The following PTPRG variants were observed in gnomAD, a reference collection of about 807,000 sequenced individuals.
The protein encoded by PTPRG is protein tyrosine phosphatase receptor type G, also known as receptor-type tyrosine-protein phosphatase gamma.
In PTPRG, 102 loss-of-function variants were observed where a neutral mutation model predicts 165.3. The ratio of observed to expected loss-of-function variants is 0.62; its 90% CI spans 0.53 to 0.73. The LOEUF (loss-of-function observed/expected upper bound fraction) is 0.73, where lower values mean the gene tolerates loss of function less well. Ranked by LOEUF, PTPRG falls within the 30% of genes least tolerant of loss-of-function variation. PTPRG has a pLI of 0.00. For synonymous variants in PTPRG, 675 were observed against 669.5 expected, an observed-to-expected ratio of 1.01 and a Z score of -0.13; for missense variants, 1,866 against 1,861.4, an observed-to-expected ratio of 1.00 and a Z score of -0.05.
intron 5 of PTPRG, among the ~76,000 whole-genome samples, chr3:62,127,294 C>G (rs1435253225): frequency 6.6e-6 from 1 of 152,162 alleles, no homozygotes; most frequent in Admixed American, 6.5e-5. Flanking sequence ...ATGTTGAAGT[C>G]AGAATGAAAG....
In PTPRG at chr3:61,793,424, A is replaced by G. The variant is rs575540767; in HGVS notation, c.190+44442A>G. On this transcript the variant is annotated intron_variant, in intron 2 of 29. Transcript: ENST00000474889. The stretch of plus-strand genomic sequence containing the variant: ...ATGTGTTTCTCATCCAAAGAAGAAT[A>G]TGCTGCATTTTTGGCTTTGTGATGG... Among the ~76,000 whole-genome samples the G allele has an allele frequency of 3.3e-5, 5 of 152,320 alleles. No homozygotes were observed. The East Asian group carries it at 7.7e-4, about 23-fold the overall frequency.
At chr3:61,736,441 T>C (rs2032726039) in intron 1 of PTPRG, among the ~76,000 whole-genome samples, 1 of 148,126 alleles carries the variant, frequency 6.8e-6, no homozygotes, top group Admixed American at 6.9e-5. Context: ...TTGATTCTCA[T>C]TAACTATTAT....
At chr3:61,797,949 A>G (rs9837408) in intron 2 of PTPRG, among the ~76,000 whole-genome samples, 30 of 152,296 alleles carry the variant, frequency 2.0e-4, no homozygotes, top group African/African-American at 6.7e-4. Context: ...TTTTTAAAAA[A>G]CCAGGTCAAT....
At chr3:61,872,575 A>G (rs778352790) in intron 2 of PTPRG, among the ~76,000 whole-genome samples, 4 of 152,158 alleles carry the variant, frequency 2.6e-5, no homozygotes, top group Non-Finnish European at 1.5e-5. Context: ...GTGTTGCCTG[A>G]CCCTGAGTAA....
intron 8 of PTPRG, among the ~76,000 whole-genome samples, chr3:62,168,700 G>A (rs1034232587): frequency 5.9e-5 from 9 of 152,164 alleles, no homozygotes; most frequent in Non-Finnish European, 1.0e-4. Flanking sequence ...TCTGGCACTA[G>A]GGTTATGTGT....
chr3:62,149,038 C>T (rs1425494202), intron 6 of PTPRG, among the ~76,000 whole-genome samples: 1 of 152,152 alleles, frequency 6.6e-6, no homozygotes, highest in African/African-American at 2.4e-5. Context: ...CCAATCATAA[C>T]TTCAGTCTTG....
At chr3:61,812,485 A>G (rs922270716) in intron 2 of PTPRG, among the ~76,000 whole-genome samples, 1 of 152,226 alleles carries the variant, frequency 6.6e-6, no homozygotes, top group African/African-American at 2.4e-5. Flanking sequence ...CAGATTTGTC[A>G]TTAAACTTCC....
chr3:62,070,697 T>C (rs539641670), intron 4 of PTPRG, among the ~76,000 whole-genome samples: 4 of 152,218 alleles, frequency 2.6e-5, no homozygotes, highest in Admixed American at 6.5e-5. Context: ...TTTTACAAAA[T>C]GCTTAACTCT....
chr3:61,887,527 C>G (rs1443462531), intron 2 of PTPRG, among the ~76,000 whole-genome samples: 2 of 152,134 alleles, frequency 1.3e-5, no homozygotes, highest in African/African-American at 4.8e-5. Context: ...TGCAGACACA[C>G]ACCAGAAAGG....
At chr3:61,848,169 CATGCT>C (rs1403547957) in intron 2 of PTPRG, among the ~76,000 whole-genome samples, 1 of 152,238 alleles carries the variant, frequency 6.6e-6, no homozygotes, top group Non-Finnish European at 1.5e-5. Context: ...TGGAGTGCCT[CATGCT>C]ACAGGACTGG....
chr3:62,277,490 T>C, intron 25 of PTPRG, 61 bp from the exon 26 acceptor site: 1 of 1,545,560 alleles, frequency 6.5e-7, no homozygotes, highest in South Asian at 1.1e-5. Context: ...TATATTTTAC[T>C]ACCACAAAGT....
intron 5 of PTPRG, among the ~76,000 whole-genome samples, chr3:62,111,011 T>C (rs1293790458): frequency 6.6e-6 from 1 of 152,214 alleles, no homozygotes; most frequent in African/African-American, 2.4e-5. Context: ...ATTGTAGGGC[T>C]CTGTGGGAAG....
chr3:61,882,026 G>A (rs975097533), intron 2 of PTPRG, among the ~76,000 whole-genome samples: 15 of 152,144 alleles, frequency 9.9e-5, no homozygotes, highest in Admixed American at 6.6e-5. Context: ...GAGCTTATGC[G>A]AAGGGAGTTC....
At chr3:61,781,940 AG>A (rs2107084374) in intron 2 of PTPRG, among the ~76,000 whole-genome samples, 1 of 142,660 alleles carries the variant, frequency 7.0e-6, no homozygotes, top group Non-Finnish European at 1.5e-5. Context: ...TATGTTTCCC[AG>A]GGTGGTCTTG....
chr3:61,962,286 T>G (rs1455416359), intron 2 of PTPRG, among the ~76,000 whole-genome samples: 3 of 152,182 alleles, frequency 2.0e-5, no homozygotes, highest in Admixed American at 6.5e-5. Flanking sequence ...TTTTATTGCT[T>G]GAAGTATAAG....
chr3:62,085,084 T>G (rs1344710855), intron 5 of PTPRG, among the ~76,000 whole-genome samples: 5 of 152,204 alleles, frequency 3.3e-5, no homozygotes, highest in African/African-American at 1.2e-4. Context: ...GTTCCTCTTC[T>G]TTTTGTATAC....
rs111859371 is a variant in PTPRG, at chr3:62,072,928, T to G, written c.520-5235T>G. Among the ~76,000 whole-genome samples, 1,418 of 152,188 alleles carry G rather than the reference T, an allele frequency of 9.3e-3. 24 individuals are homozygous for G. Among genetic ancestry groups the G allele is most frequent in the African/African-American group, 0.033 (1,366 of 41,494 alleles). ...AATTCTAGGGATAGGGCAGGGAAAATGTAGGATGAGCCCAAAACATCTGTG... is the reference window on the plus strand; with the variant it reads ...AATTCTAGGGATAGGGCAGGGAAAAGGTAGGATGAGCCCAAAACATCTGTG... On this transcript the variant is annotated intron_variant, in intron 4 of 29. Coordinates refer to ENST00000474889, the MANE Select transcript of PTPRG (RefSeq NM_002841.4).
Position 61,671,158 on chromosome 3 carries a change from AATTG to A in PTPRG, c.86-77717_86-77714del, listed in dbSNP as rs769277617. Among the ~76,000 whole-genome samples, 796 of 112,364 alleles carry A rather than the reference AATTG, an allele frequency of 7.1e-3. 4 individuals are homozygous for A. Among genetic ancestry groups the A allele is most frequent in the Middle Eastern group, 0.045 (9 of 202 alleles). The allele number at this position is 112,364 out of a possible 152,430, so 73.7% of individuals were successfully genotyped here. A position where few individuals can be genotyped will look rare whatever the true frequency, so the allele number is the denominator to read the frequency against. ...ACTTTCTTTTTTTTTTTTTTTTTTT[AATTG>A]ATCATTCTTGGGTGTTTCTCGCAGA... On this transcript the variant is annotated intron_variant, in intron 1 of 29. Transcript: ENST00000474889.
intron 26 of PTPRG, among the ~76,000 whole-genome samples, chr3:62,278,831 A>G (rs1189064964): frequency 2.0e-5 from 3 of 152,050 alleles, no homozygotes; most frequent in Admixed American, 2.0e-4. Context: ...GCATGTGGAA[A>G]TTGGAGGCAC....
Sources: allele counts gnomAD v4.1 joint callset (sites outside exome capture counted in the v4.1 genomes callset), GRCh38; gene constraint gnomAD v4.1.1; transcripts MANE v1.5; gene names NCBI Gene and HGNC (gene_info 2026-07-23, HGNC 2026-07-21).